Variants in PTPRA observed in about 807,000 individuals in gnomAD.
The protein encoded by PTPRA is receptor-type tyrosine-protein phosphatase alpha.
Under a neutral mutation model 104.8 loss-of-function variants are expected in PTPRA, and 25 were observed. The observed-to-expected ratio is 0.24, with a 90% confidence interval of 0.17 to 0.33. The LOEUF is 0.33. PTPRA is among the 10% of genes least tolerant of loss of function. PTPRA has a pLI of 1.00. For synonymous variants in PTPRA, 323 were observed against 368.9 expected (o/e 0.88, Z 1.43); for missense variants, 765 against 1,015.3 (o/e 0.75, Z 3.35).
intron 2 of PTPRA, among the ~76,000 whole-genome samples, chr20:2,941,819 G>T (rs549421276): frequency 1.6e-4 from 25 of 152,200 alleles, no homozygotes; most frequent in South Asian, 8.3e-4. Context: ...CCTGATTCCT[G>T]TTCATCTTCT....
chr20:2,949,289 T>C (rs545357245), intron 3 of PTPRA, among the ~76,000 whole-genome samples: 3 of 151,968 alleles, frequency 2.0e-5, no homozygotes, highest in East Asian at 1.9e-4. Flanking sequence ...TTACTTCCTA[T>C]GGATTCTTGT....
At chr20:2,886,528 G>GAAA (rs1336745564) in intron 1 of PTPRA, among the ~76,000 whole-genome samples, 1 of 152,018 alleles carries the variant, frequency 6.6e-6, no homozygotes, top group African/African-American at 2.4e-5. Context: ...AGTTTTAGTG[G>GAAA]ATTTCATGTC....
intron 6 of PTPRA, among the ~76,000 whole-genome samples, chr20:2,982,685 G>A (rs530423009): frequency 1.3e-5 from 2 of 151,704 alleles, no homozygotes; most frequent in Non-Finnish European, 2.9e-5. Context: ...AAATAGTATA[G>A]GAAATAACAG....
At chr20:2,969,927 G>A (rs1423730782) in intron 5 of PTPRA, among the ~76,000 whole-genome samples, 3 of 151,846 alleles carry the variant, frequency 2.0e-5, no homozygotes, top group South Asian at 4.2e-4. Context: ...CCGAGATTGC[G>A]CCACTACACT....
In PTPRA at chr20:2,884,529, A is replaced by T. The variant is rs139832274; in HGVS notation, c.-129+10769A>T. On this transcript the variant is annotated intron_variant, in intron 1 of 23. Coordinates refer to ENST00000399903, the MANE Select transcript of PTPRA (RefSeq NM_001385305.1). Reference sequence around the variant, plus strand: ...ATTTGCATTTCCATGATGATTTATGATGTGCATCTTTTCATGTGCTGTTGG... The same window carrying T: ...ATTTGCATTTCCATGATGATTTATGTTGTGCATCTTTTCATGTGCTGTTGG... Among the ~76,000 whole-genome samples, 39 of 152,190 alleles carry T rather than the reference A, an allele frequency of 2.6e-4. No homozygotes were observed. The East Asian group carries it at 6.4e-3, about 25-fold the overall frequency.
chr20:2,908,527 T>C (rs1312083692), intron 1 of PTPRA, among the ~76,000 whole-genome samples: 1 of 152,148 alleles, frequency 6.6e-6, no homozygotes, highest in Non-Finnish European at 1.5e-5. Flanking sequence ...CGTAGAGTCA[T>C]TGCATAATAA....
chr20:3,005,087 G>C lies in PTPRA; in HGVS notation c.770G>C (p.Cys257Ser). The C allele has an allele frequency of 6.2e-7, 1 of 1,611,816 alleles. No homozygotes were observed. Among genetic ancestry groups the C allele is most frequent in the Non-Finnish European group, 8.5e-7 (1 of 1,177,948 alleles). The change falls in exon 10 of 24, where the codon TGT becomes TCT. Residue 257 changes from cysteine (C) to serine (S), a missense_variant. Physicochemically the swap from Cys to Ser is moderately radical, Grantham distance 112. Coordinates refer to ENST00000399903, the MANE Select transcript of PTPRA (RefSeq NM_001385305.1). ...ALPACPIQATCEAASKEENKE... is the reference protein window; with the variant it reads ...ALPACPIQATSEAASKEENKE... ...CCTGCATGTCCTATCCAGGCCACCT[G>C]TGAGGCTGCTTCCAAGGAGGAAAAC...
At position 2,988,368 on chromosome 20, in the gene PTPRA, C is replaced by A; in HGVS notation, c.632C>A (p.Ser211Tyr). 6.2e-7 allele frequency: 1 copy of A among 1,608,542 alleles called. No homozygotes were observed. The highest frequency in any genetic ancestry group is 8.5e-7 in the Non-Finnish European group (1 of 1,178,778). ...CAGAGTGTGCCACTTCTGGCCAGAT[C>A]CCCAAGCACCAACAGGAAATACCCA... The part of the protein sequence containing the change: ...EPQSVPLLAR[S>Y]PSTNRKYPPL... The change falls in exon 9 of 24, where the codon TCC (serine) becomes TAC (tyrosine). Residue 211 changes from serine to tyrosine, a missense_variant. Coordinates refer to ENST00000399903, the MANE Select transcript of PTPRA (RefSeq NM_001385305.1).
At chr20:2,867,447 G>A in the PTPRA span, among the ~76,000 whole-genome samples, 22 of 152,092 alleles carry the variant, frequency 1.4e-4, no homozygotes, top group Admixed American at 6.6e-4. Context: ...GAGTACCCGC[G>A]GGGCCCTCTG....
rs139742307 is a variant in PTPRA at position 2,942,587 on chromosome 20, A to G, written c.-49-5395A>G. Among the ~76,000 whole-genome samples, 378 of 152,142 alleles carry G rather than the reference A, an allele frequency of 2.5e-3. 2 individuals are homozygous for G. In the South Asian group the frequency reaches 0.028, roughly 11 times the overall value. The stretch of plus-strand genomic sequence containing the variant: ...CTATTTTCCTCAAAGATTTGAATAG[A>G]ACAAAAGGCTGACCTCCCCCAAGCA... On this transcript the variant is annotated intron_variant, in intron 2 of 23. Coordinates refer to ENST00000399903, the MANE Select transcript of PTPRA (RefSeq NM_001385305.1).
At chr20:2,864,681 C>T in the PTPRA span, 16 of 1,608,896 alleles carry the variant, frequency 9.9e-6, no homozygotes, top group African/African-American at 8.0e-5. The surrounding 1 kb of genome is among the most constrained non-coding windows in gnomAD (Gnocchi z 5.2). Flanking sequence ...GCGTGTGGGG[C>T]GTGTGGGGCA....
At chr20:3,030,372 G>A (rs886977877) in intron 20 of PTPRA, among the ~76,000 whole-genome samples, 2 of 152,222 alleles carry the variant, frequency 1.3e-5, no homozygotes, top group Non-Finnish European at 2.9e-5. Flanking sequence ...GCAGACAGTA[G>A]TGCTTGCCCT....
chr20:2,874,521 C>CAGA (rs2089588396), intron 1 of PTPRA, among the ~76,000 whole-genome samples: 1 of 152,124 alleles, frequency 6.6e-6, no homozygotes, highest in Admixed American at 6.5e-5. Context: ...TGAACGCCAT[C>CAGA]AGAAGCCTTT....
chr20:2,879,968 A>G (rs1330548118), intron 1 of PTPRA, among the ~76,000 whole-genome samples: 3 of 152,220 alleles, frequency 2.0e-5, no homozygotes, highest in African/African-American at 4.8e-5. Flanking sequence ...ACCTGTATAT[A>G]TATTTTAACT....
intron 1 of PTPRA, among the ~76,000 whole-genome samples, chr20:2,920,355 C>A (rs560795545): frequency 3.9e-5 from 6 of 152,270 alleles, no homozygotes; most frequent in South Asian, 2.1e-4. Flanking sequence ...GCCCTGTCTG[C>A]ACATTGGAAT....
At chr20:2,957,407 T>A (rs972646025) in intron 3 of PTPRA, among the ~76,000 whole-genome samples, 1 of 152,270 alleles carries the variant, frequency 6.6e-6, no homozygotes, top group Non-Finnish European at 1.5e-5. Flanking sequence ...TCATATCGTT[T>A]ACCCATTTTA....
At chr20:2,989,760 G>A (rs947491155) in intron 9 of PTPRA, among the ~76,000 whole-genome samples, 10 of 152,206 alleles carry the variant, frequency 6.6e-5, no homozygotes, top group African/African-American at 9.6e-5. Context: ...GCTCACGCCT[G>A]TAATCCCAGC....
chr20:2,898,356 AG>A (rs2059100489), intron 1 of PTPRA, among the ~76,000 whole-genome samples: 1 of 151,750 alleles, frequency 6.6e-6, no homozygotes, highest in African/African-American at 2.4e-5. Flanking sequence ...CTGGGATTAC[AG>A]GCGTGAGCCA....
chr20:2,923,337 G>C, intron 2 of PTPRA, 52 bp downstream of exon 2: 1 of 1,211,120 alleles, frequency 8.3e-7, no homozygotes, highest in Non-Finnish European at 1.1e-6. Context: ...GCCAAGTAGT[G>C]TCCTTAAATA....
Sources: gnomAD v4.1 joint callset for allele counts (sites outside exome capture counted in the v4.1 genomes callset) on GRCh38, gnomAD v4.1.1 for gene constraint, Gnocchi (gnomAD v3.1) non-coding constraint, MANE v1.5 for transcripts, NCBI Gene and HGNC (gene_info 2026-07-23, HGNC 2026-07-21) for gene names.